The following NCKAP5 variants were observed in gnomAD, a reference collection of about 807,000 sequenced individuals.
NCKAP5 encodes the protein NCK associated protein 5.
Under a neutral mutation model 167.0 loss-of-function variants are expected in NCKAP5, and 92 were observed. The ratio of observed to expected loss-of-function variants is 0.55; its 90% confidence interval spans 0.47 to 0.66. NCKAP5 has a LOEUF of 0.66. Ranked by LOEUF, NCKAP5 falls within the 30% of genes least tolerant of loss-of-function variation. The pLI, the probability that NCKAP5 is intolerant of heterozygous loss-of-function variation, is 0.00. For missense variants in NCKAP5, 2,378 were observed against 2,315.0 expected (o/e 1.03, Z -0.56); for synonymous variants, 891 against 877.4 (o/e 1.02, Z -0.27).
intron 10 of NCKAP5, among the ~76,000 whole-genome samples, chr2:132,862,480 G>C (rs957496544): frequency 1.3e-5 from 2 of 152,206 alleles, no homozygotes; most frequent in African/African-American, 4.8e-5. Flanking sequence ...AGGATCACGA[G>C]TGCACATTTT....
the NCKAP5 span, among the ~76,000 whole-genome samples, chr2:133,604,236 C>T: frequency 8.5e-5 from 13 of 152,228 alleles, no homozygotes; most frequent in East Asian, 3.9e-4. Context: ...GACAGAATCT[C>T]GCTCTGTCGC....
chr2:133,375,170 T>G (rs371128220), intron 3 of NCKAP5, among the ~76,000 whole-genome samples: 3 of 152,240 alleles, frequency 2.0e-5, no homozygotes, highest in East Asian at 1.9e-4. Flanking sequence ...TTTGAAGTGA[T>G]GAACACAAAA....
chr2:133,165,950 G>A (rs1433480877), intron 5 of NCKAP5, among the ~76,000 whole-genome samples: 1 of 152,116 alleles, frequency 6.6e-6, no homozygotes, highest in Admixed American at 6.6e-5. Flanking sequence ...CAATGTTTGA[G>A]TGCCTGCTCT....
At chr2:133,027,853 A>G (rs1474418566) in intron 6 of NCKAP5, among the ~76,000 whole-genome samples, 1 of 152,234 alleles carries the variant, frequency 6.6e-6, no homozygotes, top group African/African-American at 2.4e-5. Flanking sequence ...TAATATTTGC[A>G]TAGTATCACT....
chr2:133,088,690 T>A (rs2081075459), intron 6 of NCKAP5, among the ~76,000 whole-genome samples: 1 of 152,138 alleles, frequency 6.6e-6, no homozygotes, highest in Non-Finnish European at 1.5e-5. Flanking sequence ...ATAATTTACC[T>A]ACAACATTAT....
chr2:132,862,943 T>C (rs896976734), intron 10 of NCKAP5, among the ~76,000 whole-genome samples: 1 of 152,078 alleles, frequency 6.6e-6, no homozygotes, highest in African/African-American at 2.4e-5. Flanking sequence ...TACCTCAGCC[T>C]CCTGAGTAGC....
rs983478221 is a variant in NCKAP5 at position 133,398,060 on chromosome 2, C to T, written c.70-94950G>A. On this transcript the variant is annotated intron_variant, in intron 3 of 19. Coordinates refer to ENST00000409261, the MANE Select transcript of NCKAP5 (RefSeq NM_207363.3). ...GGGTAGTGAATCTGCCAGCATTGCACGCTACTCACAAGAGAGATGGAGGAG... is the reference window on the plus strand; with the variant it reads ...GGGTAGTGAATCTGCCAGCATTGCATGCTACTCACAAGAGAGATGGAGGAG... Among the ~76,000 whole-genome samples the T allele has an allele frequency of 4.6e-5, 7 of 152,010 alleles. No individual in the cohort carries two copies. In the East Asian group the frequency reaches 1.2e-3, roughly 25 times the overall value.
chr2:132,868,689 A>G (rs1690555313), intron 10 of NCKAP5, among the ~76,000 whole-genome samples: 1 of 152,198 alleles, frequency 6.6e-6, no homozygotes, highest in Non-Finnish European at 1.5e-5. Flanking sequence ...TTTGCTACTC[A>G]TCTGGGTAAA....
chr2:133,631,977 C>T, the NCKAP5 span, among the ~76,000 whole-genome samples: 18 of 152,210 alleles, frequency 1.2e-4, no homozygotes, highest in African/African-American at 3.4e-4. Context: ...CATTTCTCTT[C>T]GGCCTTGCCT....
At position 133,517,673 on chromosome 2, in the gene NCKAP5, G is replaced by C. The variant is rs1207436662; in HGVS notation, c.-61-86C>G. On this transcript the variant is annotated intron_variant, in intron 2 of 19. Coordinates refer to ENST00000409261, the MANE Select transcript of NCKAP5 (RefSeq NM_207363.3). The stretch of plus-strand genomic sequence containing the variant: ...AACTCTCTAACCAGAAACAAGCATT[G>C]AAGTCAAAAAATACCCAGTCCCAAA... The C allele has an allele frequency of 9.1e-6, 4 of 439,916 alleles. No individual in the cohort carries two copies. The East Asian group carries it at 1.4e-4, about 15-fold the overall frequency. 27.3% of individuals were successfully genotyped at this position (439,916 alleles called of 1,614,324 possible).
chr2:133,118,714 AT>A (rs2082160126), intron 6 of NCKAP5: 1 of 152,164 alleles, frequency 6.6e-6, no homozygotes, highest in South Asian at 2.1e-4. Context: ...TTGGAGCTGG[AT>A]TTTGTTAGCT....
At chr2:133,293,160 G>A (rs1333064927) in intron 4 of NCKAP5, among the ~76,000 whole-genome samples, 1 of 152,236 alleles carries the variant, frequency 6.6e-6, no homozygotes, top group Non-Finnish European at 1.5e-5. Context: ...AATGTGAAAT[G>A]TTTCTTGCAA....
chr2:133,272,927 C>A (rs924017499), intron 4 of NCKAP5, among the ~76,000 whole-genome samples: 1 of 152,130 alleles, frequency 6.6e-6, no homozygotes, highest in Non-Finnish European at 1.5e-5. Flanking sequence ...TCTTCATGCA[C>A]CACATTTTAT....
chr2:132,831,046 C>T (rs1254754071), intron 11 of NCKAP5, among the ~76,000 whole-genome samples: 1 of 152,116 alleles, frequency 6.6e-6, no homozygotes, highest in Non-Finnish European at 1.5e-5. Flanking sequence ...AAATAAATGG[C>T]ACAGTATGAT....
intron 4 of NCKAP5, among the ~76,000 whole-genome samples, chr2:133,283,806 T>C (rs2090012056): frequency 6.6e-6 from 1 of 152,130 alleles, no homozygotes; most frequent in Non-Finnish European, 1.5e-5. Context: ...AGATAGGGTT[T>C]CACCATGTTG....
chr2:133,418,431 T>C (rs1689260998), intron 3 of NCKAP5, among the ~76,000 whole-genome samples: 1 of 152,178 alleles, frequency 6.6e-6, no homozygotes, highest in Admixed American at 6.5e-5. Context: ...AAGTATGTAG[T>C]AATTAGACTG....
intron 8 of NCKAP5, among the ~76,000 whole-genome samples, chr2:132,945,676 T>G (rs1312974047): frequency 1.3e-5 from 2 of 152,176 alleles, no homozygotes; most frequent in African/African-American, 4.8e-5. Context: ...CTATTCACTC[T>G]AAGAAGAAAA....
At chr2:133,110,965 C>T (rs552189579) in intron 6 of NCKAP5, among the ~76,000 whole-genome samples, 24 of 152,218 alleles carry the variant, frequency 1.6e-4, no homozygotes, top group African/African-American at 5.5e-4. Flanking sequence ...TCTGCATGGC[C>T]ACAGAGAAAT....
intron 6 of NCKAP5, among the ~76,000 whole-genome samples, chr2:133,096,798 A>C (rs1247808767): frequency 1.3e-5 from 2 of 152,180 alleles, no homozygotes; most frequent in African/African-American, 4.8e-5. Flanking sequence ...GTCGCTAATG[A>C]ATGAAGACAC....
Sources: allele counts gnomAD v4.1 joint callset (sites outside exome capture counted in the v4.1 genomes callset), GRCh38; gene constraint gnomAD v4.1.1; transcripts MANE v1.5; gene names NCBI Gene and HGNC (gene_info 2026-07-23, HGNC 2026-07-21).